The following APPBP2 variants were observed in gnomAD, a reference collection of about 807,000 sequenced individuals.
The protein encoded by APPBP2 is amyloid protein-binding protein 2.
In APPBP2, 15 loss-of-function variants were observed where a neutral mutation model predicts 76.0. The observed-to-expected ratio is 0.20, with a 90% confidence interval of 0.13 to 0.30. APPBP2 has a LOEUF of 0.30. APPBP2 is among the 10% of genes least tolerant of loss of function. The pLI, the probability that APPBP2 is intolerant of heterozygous loss-of-function variation, is 1.00. For missense variants in APPBP2, 401 were observed against 687.2 expected, an observed-to-expected ratio of 0.58 and a Z score of 4.66; for synonymous variants, 222 against 242.2, an observed-to-expected ratio of 0.92 and a Z score of 0.77.
At chr17:60,464,480 A>G (rs1210337615) in intron 5 of APPBP2, among the ~76,000 whole-genome samples, 1 of 152,172 alleles carries the variant, frequency 6.6e-6, no homozygotes, top group Non-Finnish European at 1.5e-5. Context: ...TTTCCTATAC[A>G]TTCCATCCTC....
At chr17:60,492,224 C>T (rs185503836) in intron 3 of APPBP2, among the ~76,000 whole-genome samples, 18 of 152,268 alleles carry the variant, frequency 1.2e-4, no homozygotes, top group African/African-American at 2.2e-4. Context: ...TGTATGGGAA[C>T]GCCTGCATGT....
At chr17:60,517,398 T>A (rs1256798580) in intron 1 of APPBP2, among the ~76,000 whole-genome samples, 1 of 152,238 alleles carries the variant, frequency 6.6e-6, no homozygotes, top group East Asian at 1.9e-4. Context: ...TAATGATATC[T>A]TTTGATGAGA....
At position 60,443,793 on chromosome 17, in the gene APPBP2, G is replaced by A. The variant is rs12451779; in HGVS notation, c.*3788C>T. 4,335 of 152,674 alleles carry A rather than the reference G, an allele frequency of 0.028. 104 individuals are homozygous for A. The highest frequency in any genetic ancestry group is 0.055 in the South Asian group (263 of 4,820). 9.5% of individuals were successfully genotyped at this position (152,674 alleles called of 1,614,324 possible). The stretch of plus-strand genomic sequence containing the variant: ...CAACAAACTCACTAAGGCCACTCAT[G>A]CTATAGATACCTAGGATTGCAATTA... On this transcript the variant is annotated 3_prime_UTR_variant, in exon 13 of 13. Coordinates refer to ENST00000083182, the MANE Select transcript of APPBP2 (RefSeq NM_006380.5).
intron 1 of APPBP2, chr17:60,513,494 G>T: frequency 1.8e-6 from 1 of 562,772 alleles, no homozygotes. Context: ...ACACGAAGAA[G>T]GAGGAACAGC....
At position 60,500,414 on chromosome 17, in the gene APPBP2, C is replaced by T. The variant is rs1269972377; in HGVS notation, c.212G>A (p.Arg71Lys). The T allele has an allele frequency of 6.2e-7, 1 of 1,607,548 alleles. No individual in the cohort carries two copies. Among genetic ancestry groups the T allele is most frequent in the African/African-American group, 1.3e-5 (1 of 74,834 alleles). The change falls in exon 2 of 13, where the codon AGA (arginine) becomes AAA (lysine). Residue 71 changes from arginine to lysine, a missense_variant. Transcript: ENST00000083182. ...CELEVFAKVL[R>K]ALDKRHLLHH... Reference sequence around the variant, plus strand: ...AAGAATTTACCTTTTATCCAAAGCTCTCAGTACTTTAGCAAAAACTTCCAA... The same window carrying T: ...AAGAATTTACCTTTTATCCAAAGCTTTCAGTACTTTAGCAAAAACTTCCAA...
intron 1 of APPBP2, among the ~76,000 whole-genome samples, chr17:60,517,088 G>A (rs764578216): frequency 3.3e-5 from 5 of 152,108 alleles, no homozygotes; most frequent in Non-Finnish European, 5.9e-5. Flanking sequence ...CAATTCTCCT[G>A]CCTCAGACTC....
At chr17:60,504,818 C>G (rs1354360207) in intron 1 of APPBP2, among the ~76,000 whole-genome samples, 1 of 152,056 alleles carries the variant, frequency 6.6e-6, no homozygotes, top group Non-Finnish European at 1.5e-5. Flanking sequence ...AACCAACCAA[C>G]CAAAAAACAC....
intron 1 of APPBP2, among the ~76,000 whole-genome samples, chr17:60,508,380 C>A (rs771880288): frequency 6.6e-6 from 1 of 151,934 alleles, no homozygotes; most frequent in Admixed American, 6.6e-5. Context: ...CACAGAAAGG[C>A]TGGATATATA....
intron 2 of APPBP2, among the ~76,000 whole-genome samples, chr17:60,498,939 A>G (rs1176011473): frequency 6.6e-6 from 1 of 152,188 alleles, no homozygotes; most frequent in Non-Finnish European, 1.5e-5. Context: ...ATCCACTCTA[A>G]ATTTTCTGAT....
At chr17:60,480,136 T>G (rs985404120) in intron 3 of APPBP2, among the ~76,000 whole-genome samples, 4 of 152,134 alleles carry the variant, frequency 2.6e-5, no homozygotes, top group Non-Finnish European at 5.9e-5. Flanking sequence ...CTAAAACACA[T>G]TTTTTTGCAC....
chr17:60,453,520 A>G (rs1236625867), intron 11 of APPBP2, among the ~76,000 whole-genome samples: 4 of 147,734 alleles, frequency 2.7e-5, no homozygotes, highest in Non-Finnish European at 4.4e-5. Flanking sequence ...CATGTTTCCT[A>G]ATTTTTCATG....
At chr17:60,470,244 C>T (rs1412049126) in intron 4 of APPBP2, among the ~76,000 whole-genome samples, 1 of 151,998 alleles carries the variant, frequency 6.6e-6, no homozygotes, top group Non-Finnish European at 1.5e-5. Flanking sequence ...AATGTCTATT[C>T]AAGTCCTTTG....
At chr17:60,520,805 T>C (rs1298719506) in intron 1 of APPBP2, among the ~76,000 whole-genome samples, 1 of 152,126 alleles carries the variant, frequency 6.6e-6, no homozygotes, top group Non-Finnish European at 1.5e-5. Flanking sequence ...CAAGAGATCC[T>C]CCCGGCTCAG....
intron 3 of APPBP2, among the ~76,000 whole-genome samples, chr17:60,483,795 G>A (rs1048188579): frequency 6.6e-6 from 1 of 152,188 alleles, no homozygotes; most frequent in African/African-American, 2.4e-5. Context: ...TAGACATGAA[G>A]TCCTTGCCCG....
chr17:60,464,648 G>C (rs548768333), intron 5 of APPBP2: 1 of 152,612 alleles, frequency 6.6e-6, no homozygotes, highest in South Asian at 2.1e-4. Flanking sequence ...GGTGTAGAGA[G>C]GTTAAGTGGC....
chr17:60,481,128 T>A (rs886328695), intron 3 of APPBP2, among the ~76,000 whole-genome samples: 10 of 152,156 alleles, frequency 6.6e-5, no homozygotes, highest in African/African-American at 2.4e-4. Flanking sequence ...CCTAGCAGTA[T>A]CCCAGCTTCA....
Position 60,444,692 on chromosome 17 carries a change from G to A in APPBP2, c.*2889C>T, listed in dbSNP as rs1414508977. The A allele has an allele frequency of 6.6e-6, 1 of 152,340 alleles. No homozygotes were observed. Among genetic ancestry groups the A allele is most frequent in the African/African-American group, 2.4e-5 (1 of 41,362 alleles). 9.4% of individuals were successfully genotyped at this position (152,340 alleles called of 1,614,324 possible). On this transcript the variant is annotated 3_prime_UTR_variant, in exon 13 of 13. Transcript: ENST00000083182. Reference sequence around the variant, plus strand: ...AGCTTTGAGGATCCATAAAGATTATGCTCTAAAAATTCCAATTGACTCTAT... The same window carrying A: ...AGCTTTGAGGATCCATAAAGATTATACTCTAAAAATTCCAATTGACTCTAT...
intron 4 of APPBP2, among the ~76,000 whole-genome samples, chr17:60,470,835 G>A (rs1255422715): frequency 6.6e-6 from 1 of 150,768 alleles, no homozygotes; most frequent in Non-Finnish European, 1.5e-5. Flanking sequence ...CTGTTGCCCA[G>A]GCTGGAGTGC....
chr17:60,514,096 CAGG>C (rs1480099017), intron 1 of APPBP2, among the ~76,000 whole-genome samples: 2 of 151,084 alleles, frequency 1.3e-5, no homozygotes, highest in Admixed American at 1.3e-4. Context: ...CACTTGAACC[CAGG>C]AGTTCAACAC....
Sources: allele counts gnomAD v4.1 joint callset (sites outside exome capture counted in the v4.1 genomes callset), GRCh38; gene constraint gnomAD v4.1.1; transcripts MANE v1.5; gene names NCBI Gene and HGNC (gene_info 2026-07-23, HGNC 2026-07-21).